Variants in BBS5 observed in about 807,000 individuals in gnomAD.
BBS5 encodes the protein Bardet-Biedl syndrome 5.
In BBS5, 39 loss-of-function variants were observed where a neutral mutation model predicts 50.2. The observed-to-expected ratio is 0.78, with a 90% CI of 0.60 to 1.01. BBS5 has a LOEUF of 1.01. BBS5 is among the 50% of genes least tolerant of loss of function. The probability of loss-of-function intolerance (pLI) is 0.00; values close to 1 mark genes in which losing one functional copy is unlikely to be tolerated. For missense variants in BBS5, 356 were observed against 401.5 expected (o/e 0.89, Z 0.97); for synonymous variants, 134 against 133.1 (o/e 1.01, Z -0.05).
Position 169,504,198 on chromosome 2 carries a change from TAC to T in BBS5, c.901-103_901-102del, listed in dbSNP as rs985519050. ...CATTACACAGTAACAGAATGTGAAA[TAC>T]ATTTAGTTATAAAATCATTCTGCAT... On this transcript the variant is annotated intron_variant, in intron 10 of 11. Coordinates refer to ENST00000295240, the MANE Select transcript of BBS5 (RefSeq NM_152384.3). 2.3e-5 allele frequency: 23 copies of T among 1,005,900 alleles called. No homozygotes were observed. The African/African-American group carries it at 3.6e-4, about 16-fold the overall frequency. The allele number at this position is 1,005,900 out of a possible 1,614,324, so 62.3% of individuals were successfully genotyped here.
chr2:169,501,942 A>T (rs955639867), intron 9 of BBS5, among the ~76,000 whole-genome samples: 1 of 152,096 alleles, frequency 6.6e-6, no homozygotes, highest in Non-Finnish European at 1.5e-5. Flanking sequence ...TCACTGTCTC[A>T]CCTCATGTGA....
intron 2 of BBS5, among the ~76,000 whole-genome samples, chr2:169,484,198 A>G (rs1249027933): frequency 6.6e-6 from 1 of 152,162 alleles, no homozygotes; most frequent in African/African-American, 2.4e-5. Flanking sequence ...GCCTGGCAAT[A>G]TAACAAGACC....
At chr2:169,481,070 A>G (rs532223854) in intron 1 of BBS5, among the ~76,000 whole-genome samples, 5 of 152,170 alleles carry the variant, frequency 3.3e-5, no homozygotes, top group Admixed American at 6.5e-5. Context: ...ATTACGTGCT[A>G]GTTACTGGGC....
chr2:169,497,626 G>A lies in BBS5; in HGVS notation c.619-1G>A. ...GTTTTTCTTTTTCATTTTGTATCTAGCGTTCAATAAAGATTAGAGATTCAA... is the reference window on the plus strand; with the variant it reads ...GTTTTTCTTTTTCATTTTGTATCTAACGTTCAATAAAGATTAGAGATTCAA... On this transcript the variant is annotated splice_acceptor_variant, in intron 7 of 11. Transcript: ENST00000295240. LOFTEE classifies it high-confidence loss of function. 1.3e-6 allele frequency: 2 copies of A among 1,570,586 alleles called. No homozygotes were observed. The highest frequency in any genetic ancestry group is 1.8e-6 in the Non-Finnish European group (2 of 1,141,358).
In BBS5 at chr2:169,492,854, T is replaced by C. The variant is rs1400457581; in HGVS notation, c.387-20T>C. The C allele has an allele frequency of 1.9e-6, 3 of 1,603,232 alleles. No individual in the cohort carries two copies. In the South Asian group the frequency reaches 3.3e-5, roughly 18 times the overall value. ...TCACATTTTCAGTTTGAGTTGTCTT[T>C]TGTTTGTTCTTTTTCATAGAGCTTA... On this transcript the variant is annotated intron_variant, in intron 5 of 11. Coordinates refer to ENST00000295240, the MANE Select transcript of BBS5 (RefSeq NM_152384.3).
intron 5 of BBS5, among the ~76,000 whole-genome samples, chr2:169,489,590 G>A (rs1683553777): frequency 6.6e-6 from 1 of 150,918 alleles, no homozygotes; most frequent in South Asian, 2.1e-4. Context: ...ACACATGTGA[G>A]CCACTTCACC....
intron 2 of BBS5, among the ~76,000 whole-genome samples, 167 bp from the exon 3 acceptor site, chr2:169,486,902 T>G (rs1683495732): frequency 6.6e-6 from 1 of 152,144 alleles, no homozygotes; most frequent in Non-Finnish European, 1.5e-5. Context: ...AATCATATGT[T>G]GTATACCTTA....
In BBS5 at chr2:169,493,806, T is replaced by C; in HGVS notation, c.588T>C (p.Ser196=). The part of the protein sequence containing the change: ...RIVWHANMND[S]FNVSIPYLQI... Reference sequence around the variant, plus strand: ...TGTGGCATGCAAATATGAATGATAGTTTTAATGTCAGTATACCATATCTGC... The same window carrying C: ...TGTGGCATGCAAATATGAATGATAGCTTTAATGTCAGTATACCATATCTGC... Residue 196 remains serine, a synonymous_variant, in exon 7 of 12, where the codon AGT becomes AGC. Coordinates refer to ENST00000295240, the MANE Select transcript of BBS5 (RefSeq NM_152384.3). 1 of 1,610,854 alleles carries C rather than the reference T, an allele frequency of 6.2e-7. No homozygotes were observed. The highest frequency in any genetic ancestry group is 8.5e-7 in the Non-Finnish European group (1 of 1,177,112).
chr2:169,504,855 G>A lies in BBS5; in HGVS notation c.*273G>A, dbSNP rs1479425079. On this transcript the variant is annotated 3_prime_UTR_variant, in exon 12 of 12. Transcript: ENST00000295240. Reference sequence around the variant, plus strand: ...GAGGGTAGCTGGATTCCTCAGGCCCGGGCGCTCCTACAGCAGTGCCTGCAC... The same window carrying A: ...GAGGGTAGCTGGATTCCTCAGGCCCAGGCGCTCCTACAGCAGTGCCTGCAC... The A allele has an allele frequency of 2.8e-5, 45 of 1,610,418 alleles. No individual in the cohort carries two copies. The highest frequency in any genetic ancestry group is 5.3e-5 in the African/African-American group (4 of 74,798).
intron 7 of BBS5, among the ~76,000 whole-genome samples, chr2:169,494,547 T>C (rs1683660009): frequency 6.6e-6 from 1 of 151,380 alleles, no homozygotes; most frequent in African/African-American, 2.4e-5. Flanking sequence ...CTAGACTCCT[T>C]CTCTATTTAA....
chr2:169,487,681 T>C (rs1683509704), intron 3 of BBS5, 125 bp from the exon 4 acceptor site: 4 of 625,078 alleles, frequency 6.4e-6, no homozygotes, highest in Non-Finnish European at 1.1e-5. Context: ...CTTTTAAAAG[T>C]TTATTTCTAT....
In BBS5 at chr2:169,487,123, G is replaced by A. The variant is rs200250398; in HGVS notation, c.197G>A (p.Arg66Lys). 49 of 1,609,856 alleles carry A rather than the reference G, an allele frequency of 3.0e-5. 1 individual carries two copies. In the Admixed American group the frequency reaches 8.0e-4, roughly 26 times the overall value. Residue 66 changes from arginine to lysine, a missense_variant, in exon 3 of 12, where the codon AGA becomes AAA. Transcript: ENST00000295240. The part of the protein sequence containing the change: ...RILWHSLALS[R>K]VNVSVGYNCI... ...CTCTGGCACTCTTTGGCATTATCAA[G>A]AGTCAATGTTTGTAAGTATCTTTGT...
At chr2:169,483,711 C>T (rs1307173609) in intron 2 of BBS5, among the ~76,000 whole-genome samples, 1 of 152,142 alleles carries the variant, frequency 6.6e-6, no homozygotes, top group South Asian at 2.1e-4. Flanking sequence ...CTTGCCACCA[C>T]CTACAGGCAG....
intron 5 of BBS5, among the ~76,000 whole-genome samples, chr2:169,492,092 C>T (rs1383155064): frequency 1.3e-5 from 2 of 151,840 alleles, no homozygotes; most frequent in South Asian, 4.2e-4. Context: ...CCACTGTGCC[C>T]GGCCGAGAAA....
rs10184970 is a variant in BBS5, at chr2:169,499,359, T to C, written c.682-127T>C. On this transcript the variant is annotated intron_variant, in intron 8 of 11. Coordinates refer to ENST00000295240, the MANE Select transcript of BBS5 (RefSeq NM_152384.3). The stretch of plus-strand genomic sequence containing the variant: ...TTGAAATTTTTCATAATAAAAAGTT[T>C]AATTGAAAAAATGAACTTACGTATT... The C allele has an allele frequency of 2.7e-3, 2,756 of 1,026,718 alleles. 53 individuals carry two copies. In the African/African-American group the frequency reaches 0.041, roughly 15 times the overall value. 63.6% of individuals were successfully genotyped at this position (1,026,718 alleles called of 1,614,324 possible). A position where few individuals can be genotyped will look rare whatever the true frequency, so the allele number is the denominator to read the frequency against.
chr2:169,489,492 G>A (rs188158266), intron 5 of BBS5, among the ~76,000 whole-genome samples: 4 of 149,700 alleles, frequency 2.7e-5, no homozygotes, highest in Non-Finnish European at 5.9e-5. Context: ...TTTTTTTAGA[G>A]ACGGGGTCTC....
intron 7 of BBS5, among the ~76,000 whole-genome samples, chr2:169,496,978 G>A (rs72885843): frequency 6.6e-6 from 1 of 152,290 alleles, no homozygotes; most frequent in Non-Finnish European, 1.5e-5. Flanking sequence ...AGGCTTAGGA[G>A]CTACAAAAGG....
rs940486908 is a variant in BBS5, at chr2:169,505,006, C to G, written c.*424C>G. 4 of 1,605,000 alleles carry G rather than the reference C, an allele frequency of 2.5e-6. No homozygotes were observed. The highest frequency in any genetic ancestry group is 2.2e-5 in the East Asian group (1 of 44,850). The stretch of plus-strand genomic sequence containing the variant: ...ATAAAGAACTTCTTCCCAAAATGGC[C>G]GAAGCTGGACTGTACTGCTGCCATC... On this transcript the variant is annotated 3_prime_UTR_variant, in exon 12 of 12. Coordinates refer to ENST00000295240, the MANE Select transcript of BBS5 (RefSeq NM_152384.3).
chr2:169,485,891 T>C (rs1574336140), intron 2 of BBS5, among the ~76,000 whole-genome samples: 1 of 152,212 alleles, frequency 6.6e-6, no homozygotes, highest in Non-Finnish European at 1.5e-5. Context: ...GTCAGCTCCA[T>C]AGGACTCTTG....
Sources: allele counts gnomAD v4.1 joint callset (sites outside exome capture counted in the v4.1 genomes callset), GRCh38; gene constraint gnomAD v4.1.1; transcripts MANE v1.5; gene names NCBI Gene and HGNC (gene_info 2026-07-23, HGNC 2026-07-21).